The following SNX29 variants were observed in gnomAD, a reference collection of about 807,000 sequenced individuals.
The protein encoded by SNX29 is sorting nexin 29, also known as sorting nexin-29.
In SNX29, 78 loss-of-function variants were observed where a neutral mutation model predicts 102.1. The observed-to-expected ratio is 0.76, with a 90% confidence interval of 0.64 to 0.92. SNX29 has a LOEUF of 0.92. Ranked by LOEUF, SNX29 falls within the 40% of genes least tolerant of loss-of-function variation. The probability of loss-of-function intolerance (pLI) is 0.00; values close to 1 mark genes in which losing one functional copy is unlikely to be tolerated. For missense variants in SNX29, 1,280 were observed against 1,061.7 expected (o/e 1.21, Z -2.86); for synonymous variants, 580 against 414.5 (o/e 1.40, Z -4.85).
chr16:12,408,253 C>G (rs989610206), intron 18 of SNX29, among the ~76,000 whole-genome samples: 1 of 152,204 alleles, frequency 6.6e-6, no homozygotes, highest in Non-Finnish European at 1.5e-5. Context: ...AAGATCTCAC[C>G]TGCATGGGCA....
chr16:12,405,700 A>G (rs2084131813), intron 18 of SNX29, among the ~76,000 whole-genome samples: 1 of 152,236 alleles, frequency 6.6e-6, no homozygotes. Flanking sequence ...TGACTCATTT[A>G]AAATACTGGT....
intron 11 of SNX29, among the ~76,000 whole-genome samples, chr16:12,114,620 T>C (rs956519001): frequency 6.6e-6 from 1 of 151,816 alleles, no homozygotes; most frequent in Non-Finnish European, 1.5e-5. Flanking sequence ...GGAGTTTTGC[T>C]CTGCTGCCTA....
intron 14 of SNX29, among the ~76,000 whole-genome samples, chr16:12,214,753 T>C (rs1218684489): frequency 6.6e-6 from 1 of 152,178 alleles, no homozygotes; most frequent in Non-Finnish European, 1.5e-5. Flanking sequence ...GCAGTCTCCC[T>C]GATGCCTGGC....
chr16:12,284,766 C>T (rs1211028392), intron 15 of SNX29, among the ~76,000 whole-genome samples: 1 of 151,620 alleles, frequency 6.6e-6, no homozygotes, highest in Non-Finnish European at 1.5e-5. Context: ...ATTCTGTCAC[C>T]CAGGCTGGAG....
chr16:12,550,811 T>A (rs1011912219), intron 20 of SNX29, among the ~76,000 whole-genome samples: 2 of 152,186 alleles, frequency 1.3e-5, no homozygotes, highest in African/African-American at 4.8e-5. Flanking sequence ...GCCAAGAATA[T>A]GTGTTAATTT....
intron 14 of SNX29, among the ~76,000 whole-genome samples, chr16:12,247,181 A>G (rs1431147348): frequency 1.3e-5 from 2 of 152,114 alleles, no homozygotes; most frequent in Admixed American, 1.3e-4. Context: ...AGAGGCCGGT[A>G]TGGGGTGACC....
At chr16:12,526,960 G>C in intron 20 of SNX29, 1 of 404,240 alleles carries the variant, frequency 2.5e-6, no homozygotes, top group Non-Finnish European at 4.7e-6. Flanking sequence ...TTAGCACGCA[G>C]AACAGAACAC....
At chr16:12,234,786 G>A (rs1385777056) in intron 14 of SNX29, among the ~76,000 whole-genome samples, 1 of 152,174 alleles carries the variant, frequency 6.6e-6, no homozygotes, top group African/African-American at 2.4e-5. Flanking sequence ...TTCCCCACCT[G>A]AAATTACTTA....
chr16:12,543,116 G>GT lies in SNX29; in HGVS notation c.2318+18276dup, dbSNP rs535812267. Reference sequence around the variant, plus strand: ...TGGAAAGATGGATCCTGGCAGCTGCGTATCTTATAGATGGTTTAGATCCAG... The same window carrying GT: ...TGGAAAGATGGATCCTGGCAGCTGCGTTATCTTATAGATGGTTTAGATCCAG... On this transcript the variant is annotated intron_variant, in intron 20 of 20. Transcript: ENST00000566228. Among the ~76,000 whole-genome samples the GT allele has an allele frequency of 2.4e-4, 36 of 152,274 alleles. No individual in the cohort carries two copies. The South Asian group carries it at 6.8e-3, about 29-fold the overall frequency.
chr16:12,533,799 C>T (rs1004832638), intron 20 of SNX29, among the ~76,000 whole-genome samples: 1 of 152,138 alleles, frequency 6.6e-6, no homozygotes, highest in South Asian at 2.1e-4. Context: ...AGCTCATAGG[C>T]CCCATCAAAA....
At chr16:12,566,763 A>T (rs889171898) in intron 20 of SNX29, among the ~76,000 whole-genome samples, 1 of 152,190 alleles carries the variant, frequency 6.6e-6, no homozygotes, top group African/African-American at 2.4e-5. Flanking sequence ...ACCCACCTAA[A>T]GGAGGAAAGC....
chr16:12,102,365 TA>T (rs2053059701), intron 11 of SNX29, among the ~76,000 whole-genome samples: 1 of 152,250 alleles, frequency 6.6e-6, no homozygotes, highest in Non-Finnish European at 1.5e-5. Context: ...ATGGTTGAAC[TA>T]ATTTACACTG....
At chr16:12,030,331 G>C (rs2151129214) in intron 4 of SNX29, among the ~76,000 whole-genome samples, 1 of 152,256 alleles carries the variant, frequency 6.6e-6, no homozygotes, top group South Asian at 2.1e-4. Context: ...GTCTCTATTT[G>C]GCGTACAGCA....
chr16:12,036,960 C>T (rs989169785), intron 4 of SNX29, among the ~76,000 whole-genome samples: 1 of 152,066 alleles, frequency 6.6e-6, no homozygotes, highest in Non-Finnish European at 1.5e-5. Flanking sequence ...AGGGGGTCTG[C>T]CTTCTCCCAA....
intron 14 of SNX29, among the ~76,000 whole-genome samples, chr16:12,244,739 T>G (rs1245459346): frequency 6.6e-6 from 1 of 152,358 alleles, no homozygotes; most frequent in Non-Finnish European, 1.5e-5. Flanking sequence ...TGCCACTGTT[T>G]GAGAAACACT....
At chr16:12,524,445 G>GAA in intron 19 of SNX29, among the ~76,000 whole-genome samples, 1 of 151,552 alleles carries the variant, frequency 6.6e-6, no homozygotes, top group South Asian at 2.1e-4. Flanking sequence ...ATAAATAACT[G>GAA]TCCCATTTGA....
rs924360903 is a variant in SNX29, at chr16:12,571,606, G to T, written c.*2977G>T. On this transcript the variant is annotated 3_prime_UTR_variant, in exon 21 of 21. Coordinates refer to ENST00000566228, the MANE Select transcript of SNX29 (RefSeq NM_032167.5). The stretch of plus-strand genomic sequence containing the variant: ...CTGCTGTGCTGAAACAGAACAGCAG[G>T]TTCCATCTTTCACATCTTTTTTTCT... 1.3e-5 allele frequency: 14 copies of T among 1,060,350 alleles called. No homozygotes were observed. In the African/African-American group the frequency reaches 1.8e-4, roughly 14 times the overall value. 65.7% of individuals were successfully genotyped at this position (1,060,350 alleles called of 1,614,324 possible).
chr16:12,532,353 T>C (rs1220785178), intron 20 of SNX29, among the ~76,000 whole-genome samples: 1 of 152,198 alleles, frequency 6.6e-6, no homozygotes, highest in African/African-American at 2.4e-5. Context: ...CTGTGTTGTG[T>C]GGTTCTTTCA....
rs187045091 is a variant in SNX29 at position 12,489,438 on chromosome 16, C to T, written c.2178+11579C>T. On this transcript the variant is annotated intron_variant, in intron 19 of 20. Coordinates refer to ENST00000566228, the MANE Select transcript of SNX29 (RefSeq NM_032167.5). Reference sequence around the variant, plus strand: ...ATGGGCCACTTGCATCTTTAGAAACCATGCAACACAGGGAAAGAGCTTGGG... The same window carrying T: ...ATGGGCCACTTGCATCTTTAGAAACTATGCAACACAGGGAAAGAGCTTGGG... 3.9e-5 allele frequency among the ~76,000 whole-genome samples: 6 copies of T among 152,308 alleles called. No homozygotes were observed. In the East Asian group the frequency reaches 1.2e-3, roughly 29 times the overall value.
Sources: allele counts gnomAD v4.1 joint callset (sites outside exome capture counted in the v4.1 genomes callset), GRCh38; gene constraint gnomAD v4.1.1; transcripts MANE v1.5; gene names NCBI Gene and HGNC (gene_info 2026-07-23, HGNC 2026-07-21).